IL1RAPL1: variants seen among roughly 807,000 people sequenced by gnomAD.
The protein encoded by IL1RAPL1 is interleukin 1 receptor accessory protein like 1.
A neutral mutation model predicts 48.4 loss-of-function variants in IL1RAPL1; 3 were observed. The observed-to-expected ratio is 0.06, with a 90% confidence interval of 0.03 to 0.16. IL1RAPL1 has a LOEUF of 0.16. IL1RAPL1 is among the 10% of genes least tolerant of loss of function. The pLI is 1.00. For synonymous variants in IL1RAPL1, 185 were observed against 187.7 expected (o/e 0.99, Z 0.12); for missense variants, 349 against 530.6 (o/e 0.66, Z 3.36).
intron 6 of IL1RAPL1, among the ~76,000 whole-genome samples, chrX:29,690,821 T>C (rs752170853): frequency 7.1e-5 from 8 of 112,125 alleles, no homozygotes; most frequent in African/African-American, 2.6e-4. Context: ...TTCATAAGTA[T>C]ATATTATCAA....
At chrX:29,610,785 G>T (rs748489195) in intron 5 of IL1RAPL1, among the ~76,000 whole-genome samples, 1 of 112,246 alleles carries the variant, frequency 8.9e-6, no homozygotes, top group African/African-American at 3.2e-5. Context: ...CAGGAGCCGG[G>T]GCAAGCACTT....
intron 3 of IL1RAPL1, among the ~76,000 whole-genome samples, chrX:29,341,910 G>A (rs894121884): frequency 2.7e-5 from 3 of 110,674 alleles, no homozygotes; most frequent in Non-Finnish European, 5.7e-5. Flanking sequence ...GGGTTCAAGA[G>A]ATTCTCCTAC....
intron 2 of IL1RAPL1, among the ~76,000 whole-genome samples, chrX:29,079,638 C>T (rs145672117): frequency 1.8e-5 from 2 of 108,862 alleles, no homozygotes; most frequent in Non-Finnish European, 3.8e-5. Context: ...TCATCCATTG[C>T]CACTCATTGA....
intron 1 of IL1RAPL1, among the ~76,000 whole-genome samples, chrX:28,715,314 T>G (rs770913287): frequency 3.6e-5 from 4 of 111,843 alleles, no homozygotes; most frequent in Non-Finnish European, 7.5e-5. Flanking sequence ...AATAATAAAA[T>G]TAAGGCAGAA....
intron 2 of IL1RAPL1, among the ~76,000 whole-genome samples, chrX:29,016,008 CAT>C (rs1926232775): frequency 8.9e-6 from 1 of 111,770 alleles, no homozygotes; most frequent in Admixed American, 9.6e-5. Flanking sequence ...GGTCATTAGA[CAT>C]ATACAGAACT....
chrX:28,812,203 A>C (rs1252125803), intron 2 of IL1RAPL1, among the ~76,000 whole-genome samples: 1 of 111,214 alleles, frequency 9.0e-6, no homozygotes, highest in Non-Finnish European at 1.9e-5. Context: ...TTGTCCACAC[A>C]AAATGAAACA....
At position 28,800,850 on chromosome X, in the gene IL1RAPL1, TA is replaced by T. The variant is rs1191131324; in HGVS notation, c.82+11426del. ...GGGCCTTTGCATATTAAAGGGATTTTATTTATTTATTTATTTATTTATTTAT... is the reference window on the plus strand; with the variant it reads ...GGGCCTTTGCATATTAAAGGGATTTTTTTATTTATTTATTTATTTATTTAT... On this transcript the variant is annotated intron_variant, in intron 2 of 10. Transcript: ENST00000378993. Among the ~76,000 whole-genome samples, 372 of 43,982 alleles carry T rather than the reference TA, an allele frequency of 8.5e-3. 5 individuals are homozygous for T. The highest frequency in any genetic ancestry group is 0.052 in the African/African-American group (349 of 6,717). 38.2% of individuals were successfully genotyped at this position (43,982 alleles called of 115,157 possible). A position where few individuals can be genotyped will look rare whatever the true frequency, so the allele number is the denominator to read the frequency against.
At position 28,821,318 on chromosome X, in the gene IL1RAPL1, A is replaced by AT. The variant is rs1033006434; in HGVS notation, c.82+31900dup. 1.4e-4 allele frequency among the ~76,000 whole-genome samples: 16 copies of AT among 111,022 alleles called. No homozygotes were observed. In the Admixed American group the frequency reaches 1.4e-3, roughly 10 times the overall value. On this transcript the variant is annotated intron_variant, in intron 2 of 10. Transcript: ENST00000378993. ...TTATCTATATTTACTTTGTTCCTAG[A>AT]TTTTTTTAATGGAGAATATCCATTC...
chrX:28,633,968 C>G (rs1934430144), intron 1 of IL1RAPL1, among the ~76,000 whole-genome samples: 1 of 111,260 alleles, frequency 9.0e-6, no homozygotes. Context: ...ATTGCTTTTA[C>G]TAAAAATACT....
At chrX:28,634,233 C>A (rs184989035) in intron 1 of IL1RAPL1, among the ~76,000 whole-genome samples, 1 of 109,457 alleles carries the variant, frequency 9.1e-6, no homozygotes, top group East Asian at 2.9e-4. Flanking sequence ...CTCCTGCAAC[C>A]TCAAGCCATC....
chrX:29,207,429 T>C (rs754493297), intron 2 of IL1RAPL1, among the ~76,000 whole-genome samples: 2 of 112,490 alleles, frequency 1.8e-5, no homozygotes, highest in Non-Finnish European at 3.8e-5. Flanking sequence ...TTGCTAAGCA[T>C]ATTGCCTTCT....
At chrX:28,814,341 T>TTGTGTGTGTGTGTGTGTGTGTGTGTGTG (rs753090480) in intron 2 of IL1RAPL1, among the ~76,000 whole-genome samples, 8 of 89,735 alleles carry the variant, frequency 8.9e-5, no homozygotes, top group Middle Eastern at 6.1e-3. Context: ...ATTTTCAGGT[T>TTGTGTGTGTGTGTGTGTGTGTGTGTGTG]TGTGTGTGTG....
intron 2 of IL1RAPL1, among the ~76,000 whole-genome samples, chrX:28,965,483 G>T (rs1444408606): frequency 1.8e-5 from 2 of 111,606 alleles, no homozygotes; most frequent in Non-Finnish European, 3.8e-5. Flanking sequence ...CCTTAATTCA[G>T]TTCTTTTACC....
intron 2 of IL1RAPL1, among the ~76,000 whole-genome samples, chrX:29,225,121 T>C (rs1274728120): frequency 8.9e-6 from 1 of 112,169 alleles, no homozygotes; most frequent in African/African-American, 3.2e-5. Flanking sequence ...CTTTAAAGCA[T>C]TGACTTAATT....
chrX:29,281,815 C>T (rs1363976921), intron 2 of IL1RAPL1, among the ~76,000 whole-genome samples: 1 of 111,995 alleles, frequency 8.9e-6, no homozygotes, highest in Non-Finnish European at 1.9e-5. Context: ...TTAGTTTGCT[C>T]AGGCTGCCGT....
At chrX:29,135,700 C>T (rs1299749797) in intron 2 of IL1RAPL1, among the ~76,000 whole-genome samples, 2 of 111,769 alleles carry the variant, frequency 1.8e-5, no homozygotes, top group Admixed American at 9.6e-5. Context: ...AGAACATTCC[C>T]TTTACTGTGT....
intron 2 of IL1RAPL1, among the ~76,000 whole-genome samples, chrX:28,873,103 T>C (rs1922248793): frequency 1.0e-5 from 1 of 98,574 alleles, no homozygotes; most frequent in Non-Finnish European, 2.0e-5. Flanking sequence ...GTTTTTTTTT[T>C]CACTTTTTTT....
intron 2 of IL1RAPL1, among the ~76,000 whole-genome samples, chrX:28,871,108 C>T (rs962426851): frequency 6.3e-5 from 7 of 111,853 alleles, no homozygotes; most frequent in African/African-American, 1.3e-4. Context: ...GTTTATCCTT[C>T]ATTACATATA....
chrX:29,418,114 TATATATATATA>T (rs1307394679), intron 5 of IL1RAPL1, among the ~76,000 whole-genome samples: 40 of 50,993 alleles, frequency 7.8e-4, no homozygotes, highest in Non-Finnish European at 1.2e-3. Context: ...TATATATATA[TATATATATATA>T]TTTTTTTTTT....
Sources: gnomAD v4.1 joint callset for allele counts (sites outside exome capture counted in the v4.1 genomes callset) on GRCh38, gnomAD v4.1.1 for gene constraint, MANE v1.5 for transcripts, NCBI Gene and HGNC (gene_info 2026-07-23, HGNC 2026-07-21) for gene names.